The following SYT14 variants were observed in gnomAD, a reference collection of about 807,000 sequenced individuals.
The protein encoded by SYT14 is synaptotagmin 14, also known as synaptotagmin-14.
SYT14 carries 32 observed loss-of-function variants against 74.2 expected under a neutral mutation model. The ratio of observed to expected loss-of-function variants is 0.43; its 90% CI spans 0.33 to 0.58. The LOEUF (loss-of-function observed/expected upper bound fraction) is 0.58, where lower values mean the gene tolerates loss of function less well. Ranked by LOEUF, SYT14 falls within the 20% of genes least tolerant of loss-of-function variation. SYT14 has a pLI of 0.05. For missense variants in SYT14, 791 were observed against 981.8 expected (o/e 0.81, Z 2.60); for synonymous variants, 298 against 337.7 (o/e 0.88, Z 1.29).
At chr1:210,126,634 A>AT (rs1314545175) in intron 7 of SYT14, among the ~76,000 whole-genome samples, 1 of 152,210 alleles carries the variant, frequency 6.6e-6, no homozygotes, top group African/African-American at 2.4e-5. Context: ...CAAGATTGTG[A>AT]TTTTTAGGAC....
intron 5 of SYT14, among the ~76,000 whole-genome samples, chr1:210,047,827 A>G: frequency 6.6e-6 from 1 of 152,222 alleles, no homozygotes; most frequent in Non-Finnish European, 1.5e-5. Context: ...AATCCAAGTT[A>G]TATGTTATGC....
intron 8 of SYT14, among the ~76,000 whole-genome samples, chr1:210,158,365 G>A (rs1203203455): frequency 6.6e-6 from 1 of 152,160 alleles, no homozygotes; most frequent in Admixed American, 6.5e-5. Flanking sequence ...CAGATTGTTA[G>A]CACTGTGTTG....
chr1:210,051,485 A>G (rs2080995340), intron 5 of SYT14, among the ~76,000 whole-genome samples: 1 of 152,198 alleles, frequency 6.6e-6, no homozygotes, highest in Non-Finnish European at 1.5e-5. Context: ...ACTCAGATAA[A>G]TCCCATTTCT....
intron 5 of SYT14, among the ~76,000 whole-genome samples, chr1:210,038,442 G>A (rs908340305): frequency 6.6e-6 from 1 of 151,982 alleles, no homozygotes; most frequent in South Asian, 2.1e-4. Flanking sequence ...GATATGTAGG[G>A]TTTCTTCTTG....
intron 2 of SYT14, among the ~76,000 whole-genome samples, chr1:209,953,985 A>G (rs1308245384): frequency 1.3e-5 from 2 of 152,220 alleles, no homozygotes; most frequent in Admixed American, 6.5e-5. Context: ...AAACATTTGT[A>G]GTTTTCTGCT....
intron 7 of SYT14, among the ~76,000 whole-genome samples, chr1:210,120,601 A>G (rs1053064580): frequency 6.6e-6 from 1 of 152,332 alleles, no homozygotes; most frequent in East Asian, 1.9e-4. Context: ...GCAATAGGCT[A>G]TACCATCTAG....
intron 2 of SYT14, among the ~76,000 whole-genome samples, chr1:209,980,082 A>G (rs1188358251): frequency 6.6e-6 from 1 of 152,186 alleles, no homozygotes; most frequent in Non-Finnish European, 1.5e-5. Flanking sequence ...CCAACAGTGT[A>G]AAAGTGCTCC....
At chr1:210,164,812 T>C (rs2083439026) in exon 10 of SYT14, 4 of 152,160 alleles carry the variant, frequency 2.6e-5, no homozygotes, top group Admixed American at 2.6e-4. Context: ...ATTGATAGTT[T>C]TTATTTCTAA....
intron 1 of SYT14, 106 bp from the exon 2 acceptor site, chr1:209,952,603 C>T: frequency 2.1e-6 from 2 of 964,830 alleles, no homozygotes; most frequent in Non-Finnish European, 1.6e-6. Context: ...GTTAGGGAAA[C>T]TTTTTTTGAG....
rs2082721018 is a variant in SYT14 at position 210,133,593 on chromosome 1, T to TGC, written c.2035-22127_2035-22126dup. On this transcript the variant is annotated intron_variant, in intron 7 of 9. Coordinates refer to ENST00000637265, the Ensembl canonical transcript of SYT14. ...TGTCCAGTGTATTAGTATTTTCTCT[T>TGC]GCCTCCCATATTTTATTAATATATT... Among the ~76,000 whole-genome samples the TGC allele has an allele frequency of 2.0e-5, 3 of 152,174 alleles. No homozygotes were observed. The South Asian group carries it at 6.2e-4, about 32-fold the overall frequency.
chr1:210,136,111 T>C (rs1203444522), intron 7 of SYT14, among the ~76,000 whole-genome samples: 1 of 152,008 alleles, frequency 6.6e-6, no homozygotes, highest in Non-Finnish European at 1.5e-5. Flanking sequence ...CTGTAGAAAA[T>C]AGGATCCAGA....
chr1:210,130,541 A>T (rs1245817628), intron 7 of SYT14, among the ~76,000 whole-genome samples: 1 of 152,216 alleles, frequency 6.6e-6, no homozygotes, highest in African/African-American at 2.4e-5. Context: ...ATTTAGGAAT[A>T]CTGATTTGGA....
chr1:209,989,100 C>A (rs1311033385), intron 2 of SYT14, among the ~76,000 whole-genome samples: 5 of 152,100 alleles, frequency 3.3e-5, no homozygotes, highest in African/African-American at 1.2e-4. Flanking sequence ...TCCTTTATTG[C>A]CCATCTTCAG....
At chr1:210,094,278 T>A in intron 5 of SYT14, 44 bp from the exon 5 acceptor site, 1 of 1,613,070 alleles carries the variant, frequency 6.2e-7, no homozygotes, top group East Asian at 2.2e-5. Context: ...TACTGTGTGT[T>A]GAGGCTAATT....
intron 1 of SYT14, among the ~76,000 whole-genome samples, chr1:209,941,503 T>A (rs6657016): frequency 0.24 from 36,310 of 152,144 alleles, 4,553 homozygotes; most frequent in Middle Eastern, 0.3. Flanking sequence ...CCTCTGTTAA[T>A]CTGATAGCGT....
chr1:210,054,841 C>G (rs541267885), intron 5 of SYT14, among the ~76,000 whole-genome samples: 2 of 152,338 alleles, frequency 1.3e-5, no homozygotes, highest in East Asian at 3.9e-4. Context: ...GAGCATTTAA[C>G]TGTTCATCAG....
intron 1 of SYT14, among the ~76,000 whole-genome samples, chr1:209,948,939 T>C (rs1471255967): frequency 1.3e-5 from 2 of 152,220 alleles, no homozygotes; most frequent in Non-Finnish European, 2.9e-5. Context: ...TTCCCAAAGA[T>C]ACTGGCTAAG....
At chr1:210,008,354 C>G (rs970009258) in intron 2 of SYT14, among the ~76,000 whole-genome samples, 1 of 147,030 alleles carries the variant, frequency 6.8e-6, no homozygotes, top group African/African-American at 2.5e-5. Flanking sequence ...TGGCTGTGTG[C>G]TTTTAAATAG....
At chr1:210,050,919 C>G (rs1222272107) in intron 5 of SYT14, among the ~76,000 whole-genome samples, 2 of 152,172 alleles carry the variant, frequency 1.3e-5, no homozygotes, top group African/African-American at 4.8e-5. Flanking sequence ...CCATATCAGT[C>G]CCAATCAGGT....
Sources: gnomAD v4.1 joint callset for allele counts (sites outside exome capture counted in the v4.1 genomes callset) on GRCh38, gnomAD v4.1.1 for gene constraint, MANE v1.5 for transcripts, NCBI Gene and HGNC (gene_info 2026-07-23, HGNC 2026-07-21) for gene names.